Variants in CXADR observed in about 807,000 individuals in gnomAD.
CXADR encodes the protein CXADR cell adhesion molecule, also known as coxsackievirus and adenovirus receptor.
Under a neutral mutation model 40.3 loss-of-function variants are expected in CXADR, and 20 were observed. The observed-to-expected ratio is 0.50, with a 90% CI of 0.35 to 0.72. The LOEUF is 0.72. Ranked by LOEUF, CXADR falls within the 30% of genes least tolerant of loss-of-function variation. The pLI is 0.01. For missense variants in CXADR, 332 were observed against 449.1 expected (o/e 0.74, Z 2.36); for synonymous variants, 150 against 161.3 (o/e 0.93, Z 0.53).
the CXADR span, among the ~76,000 whole-genome samples, chr21:17,629,595 GA>G: frequency 6.6e-6 from 1 of 151,726 alleles, no homozygotes; most frequent in East Asian, 1.9e-4. Context: ...AACCCAAAAA[GA>G]AGCAAAAAAC....
chr21:17,608,912 C>A, the CXADR span: 1 of 1,512,572 alleles, frequency 6.6e-7, no homozygotes, highest in East Asian at 2.3e-5. Context: ...TTCAATCATC[C>A]GGCCTTGAAC....
chr21:17,525,899 C>G (rs1457177019), intron 1 of CXADR, among the ~76,000 whole-genome samples: 1 of 152,058 alleles, frequency 6.6e-6, no homozygotes, highest in South Asian at 2.1e-4. Flanking sequence ...TAATGCAAGC[C>G]ACATATGTAA....
chr21:17,612,697 A>ACCGCCGCTGCCG, the CXADR span: 1 of 151,948 alleles, frequency 6.6e-6, no homozygotes, highest in Non-Finnish European at 1.5e-5. Context: ...CGGTCTCCTC[A>ACCGCCGCTGCCG]CCGCCGCTGC....
At chr21:17,549,957 A>G (rs2060944313) in intron 2 of CXADR, among the ~76,000 whole-genome samples, 1 of 152,200 alleles carries the variant, frequency 6.6e-6, no homozygotes, top group Non-Finnish European at 1.5e-5. Context: ...ATAAAGTAAT[A>G]GCTTGTGTTT....
intron 1 of CXADR, 42 bp downstream of exon 1, chr21:17,513,214 G>T: frequency 7.4e-7 from 1 of 1,347,920 alleles, no homozygotes. Context: ...GCCCAGCCCG[G>T]GGGCGCTCGC....
At position 17,524,043 on chromosome 21, in the gene CXADR, CGTGT is replaced by C. The variant is rs200561495; in HGVS notation, c.43+10892_43+10895del. 2.7e-4 allele frequency among the ~76,000 whole-genome samples: 39 copies of C among 144,796 alleles called. 1 individual carries two copies. The highest frequency in any genetic ancestry group is 1.1e-3 in the South Asian group (5 of 4,486). The allele number at this position is 144,796 out of a possible 152,430, so 95.0% of individuals were successfully genotyped here. A position where few individuals can be genotyped will look rare whatever the true frequency, so the allele number is the denominator to read the frequency against. ...CCAGGCGATTTTGTGTGTGTGTGTG[CGTGT>C]GTGTGTGTGTGTGTGTGTGTATTTT... is the stretch of plus-strand genomic sequence containing the variant. On this transcript the variant is annotated intron_variant, in intron 1 of 6. Coordinates refer to ENST00000284878, the MANE Select transcript of CXADR (RefSeq NM_001338.5).
chr21:17,542,394 A>C (rs958887381), intron 1 of CXADR, among the ~76,000 whole-genome samples: 1 of 152,248 alleles, frequency 6.6e-6, no homozygotes, highest in African/African-American at 2.4e-5. Flanking sequence ...TTCCAATCTT[A>C]TAGTGGAACC....
the CXADR span, among the ~76,000 whole-genome samples, chr21:17,629,233 A>G: frequency 3.9e-5 from 6 of 151,972 alleles, no homozygotes; most frequent in Admixed American, 1.3e-4. Flanking sequence ...TACAAAAATT[A>G]GCTGGGTATG....
chr21:17,622,113 CA>C, the CXADR span, among the ~76,000 whole-genome samples: 1 of 152,138 alleles, frequency 6.6e-6, no homozygotes, highest in Non-Finnish European at 1.5e-5. Flanking sequence ...TCCTTTAATA[CA>C]GGCAACATCA....
the CXADR span, among the ~76,000 whole-genome samples, chr21:17,622,342 T>C: frequency 3.4e-4 from 52 of 152,240 alleles, no homozygotes; most frequent in African/African-American, 1.2e-3. Context: ...ATGTTTGTGA[T>C]GTGGTTGGCA....
chr21:17,554,824 T>C (rs1482159574), intron 3 of CXADR, among the ~76,000 whole-genome samples: 1 of 138,488 alleles, frequency 7.2e-6, no homozygotes, highest in East Asian at 1.9e-4. Context: ...TTTGATTGAC[T>C]GATAGTGGCT....
chr21:17,620,068 C>T, the CXADR span, among the ~76,000 whole-genome samples: 1 of 152,178 alleles, frequency 6.6e-6, no homozygotes, highest in Non-Finnish European at 1.5e-5. Flanking sequence ...CATGTATTCC[C>T]TGGAGCAGCA....
chr21:17,531,743 A>C (rs933465558), intron 1 of CXADR, among the ~76,000 whole-genome samples: 1 of 152,122 alleles, frequency 6.6e-6, no homozygotes, highest in Admixed American at 6.5e-5. Context: ...AAACTTAACG[A>C]TAAGTGTGCC....
chr21:17,522,095 A>G (rs1023521233), intron 1 of CXADR, among the ~76,000 whole-genome samples: 3 of 150,766 alleles, frequency 2.0e-5, no homozygotes, highest in Non-Finnish European at 4.4e-5. Flanking sequence ...TGATTCTTCT[A>G]TCTCAGCCCT....
At chr21:17,592,131 TGTA>T (rs1241442729) in intron 7 of CXADR, among the ~76,000 whole-genome samples, 2 of 151,946 alleles carry the variant, frequency 1.3e-5, no homozygotes, top group Non-Finnish European at 2.9e-5. Context: ...AAGGAGATTT[TGTA>T]GTAACGTGGA....
intron 7 of CXADR, among the ~76,000 whole-genome samples, chr21:17,591,399 GTGTT>G (rs2061433720): frequency 6.6e-6 from 1 of 151,968 alleles, no homozygotes; most frequent in South Asian, 2.1e-4. Flanking sequence ...TACATGGTAG[GTGTT>G]TGTATTTTTC....
chr21:17,626,658 A>G, the CXADR span, among the ~76,000 whole-genome samples: 1 of 152,212 alleles, frequency 6.6e-6, no homozygotes, highest in South Asian at 2.1e-4. Flanking sequence ...AATAACATAA[A>G]TAATGAGTGG....
intron 1 of CXADR, among the ~76,000 whole-genome samples, chr21:17,514,673 GC>G (rs1428363870): frequency 4.7e-5 from 7 of 150,230 alleles, no homozygotes; most frequent in African/African-American, 1.7e-4. Flanking sequence ...CGCTCTTGTT[GC>G]ACAGGCTGGA....
chr21:17,635,858 A>T, the CXADR span, among the ~76,000 whole-genome samples: 6,100 of 152,264 alleles, frequency 0.04, 158 homozygotes, highest in African/African-American at 0.072. Flanking sequence ...AATGCCTTGA[A>T]TATACAGATC....
Sources: gnomAD v4.1 joint callset for allele counts (sites outside exome capture counted in the v4.1 genomes callset) on GRCh38, gnomAD v4.1.1 for gene constraint, MANE v1.5 for transcripts, NCBI Gene and HGNC (gene_info 2026-07-23, HGNC 2026-07-21) for gene names.